IL2RA: variants seen among roughly 807,000 people sequenced by gnomAD.
IL2RA encodes the protein interleukin 2 receptor subunit alpha, also known as interleukin-2 receptor subunit alpha.
IL2RA carries 24 observed loss-of-function variants against 37.8 expected under a neutral mutation model. The ratio of observed to expected loss-of-function variants is 0.63; its 90% CI spans 0.46 to 0.89. The LOEUF is 0.89. IL2RA is among the 40% of genes least tolerant of loss of function. The probability of loss-of-function intolerance (pLI) is 0.00; values close to 1 mark genes in which losing one functional copy is unlikely to be tolerated. For missense variants in IL2RA, 319 were observed against 348.6 expected (o/e 0.92, Z 0.68); for synonymous variants, 125 against 114.6 (o/e 1.09, Z -0.58).
intron 6 of IL2RA, 89 bp downstream of exon 6, chr10:6,019,339 C>T: frequency 1.0e-6 from 1 of 977,408 alleles, no homozygotes; most frequent in Non-Finnish European, 1.7e-6. Context: ...AACCTACCAG[C>T]CAACCAACTA....
chr10:6,025,762 A>T lies in IL2RA; in HGVS notation c.256+72T>A. On this transcript the variant is annotated intron_variant, in intron 2 of 7. Coordinates refer to ENST00000379959, the MANE Select transcript of IL2RA (RefSeq NM_000417.3). The surrounding 1 kb of genome is among the most constrained non-coding windows in gnomAD (Gnocchi z 4.4). ...CATTTGTGTCTATAGGGCTGAGTGA[A>T]CAAAAGCTGGGCTCTGTCTCACTCT... is the stretch of plus-strand genomic sequence containing the variant. The T allele has an allele frequency of 6.9e-7, 1 of 1,456,736 alleles. No individual in the cohort carries two copies. Among genetic ancestry groups the T allele is most frequent in the Non-Finnish European group, 9.6e-7 (1 of 1,038,632 alleles). 90.2% of individuals were successfully genotyped at this position (1,456,736 alleles called of 1,614,324 possible).
rs1214495638 is a variant in IL2RA, at chr10:6,056,195, A to G, written c.64+5893T>C. On this transcript the variant is annotated intron_variant, in intron 1 of 7. Transcript: ENST00000379959. This position sits in a 1 kb window ranked among gnomAD's most constrained non-coding sequence, Gnocchi z 5.0. ...GCAAACACTGTTGGCTGACTTCAGA[A>G]TGGGAGCCATTCAGCAGCAGTTTCA... Among the ~76,000 whole-genome samples the G allele has an allele frequency of 1.3e-5, 2 of 152,336 alleles. No homozygotes were observed. Among genetic ancestry groups the G allele is most frequent in the East Asian group, 3.9e-4 (2 of 5,188 alleles).
intron 1 of IL2RA, among the ~76,000 whole-genome samples, chr10:6,034,245 T>G (rs1381273791): frequency 6.6e-6 from 1 of 152,204 alleles, no homozygotes. Context: ...ATAAAGAATC[T>G]TTCCTGGAAT....
Position 6,012,741 on chromosome 10 carries a change from T to C in IL2RA, c.*131A>G. The C allele has an allele frequency of 2.1e-6, 2 of 939,556 alleles. No individual in the cohort carries two copies. The highest frequency in any genetic ancestry group is 3.5e-6 in the Non-Finnish European group (2 of 572,126). The allele number at this position is 939,556 out of a possible 1,614,324, so 58.2% of individuals were successfully genotyped here. ...GTGTCCTGTGATGTGACTTCAGAGCTTCCAAAACGCAGGCAAGCACAACGG... is the reference window on the plus strand; with the variant it reads ...GTGTCCTGTGATGTGACTTCAGAGCCTCCAAAACGCAGGCAAGCACAACGG... On this transcript the variant is annotated 3_prime_UTR_variant, in exon 8 of 8. Transcript: ENST00000379959. The surrounding 1 kb of genome is among the most constrained non-coding windows in gnomAD (Gnocchi z 4.8).
In IL2RA at chr10:6,020,005, C is replaced by A. The variant is rs1026544728; in HGVS notation, c.584-64G>T. On this transcript the variant is annotated intron_variant, in intron 4 of 7. Coordinates refer to ENST00000379959, the MANE Select transcript of IL2RA (RefSeq NM_000417.3). The surrounding 1 kb of genome is among the most constrained non-coding windows in gnomAD (Gnocchi z 5.6). Reference sequence around the variant, plus strand: ...CAGGAGTCAGGGCCTCACTCCCACCCCGCCTGCCCCAGGCAGCCGGCCCCA... The same window carrying A: ...CAGGAGTCAGGGCCTCACTCCCACCACGCCTGCCCCAGGCAGCCGGCCCCA... 2 of 1,412,986 alleles carry A rather than the reference C, an allele frequency of 1.4e-6. No individual in the cohort carries two copies. Among genetic ancestry groups the A allele is most frequent in the East Asian group, 2.3e-5 (1 of 43,904 alleles). 87.5% of individuals were successfully genotyped at this position (1,412,986 alleles called of 1,614,324 possible).
chr10:6,041,980 G>A (rs183412310), intron 1 of IL2RA, among the ~76,000 whole-genome samples: 1 of 151,260 alleles, frequency 6.6e-6, no homozygotes, highest in East Asian at 1.9e-4. Flanking sequence ...AGATCAAAAA[G>A]GCATTTTCAC....
Position 6,021,226 on chromosome 10 carries a change from C to G in IL2RA, c.583+252G>C, listed in dbSNP as rs974930909. ...GGGTGCTTAGGAGAGGGCTTTCCTT[C>G]TCTTCTGTCTCCAACCTTTCTCCCC... On this transcript the variant is annotated intron_variant, in intron 4 of 7. Coordinates refer to ENST00000379959, the MANE Select transcript of IL2RA (RefSeq NM_000417.3). The surrounding 1 kb of genome is among the most constrained non-coding windows in gnomAD (Gnocchi z 4.9). Among the ~76,000 whole-genome samples the G allele has an allele frequency of 2.0e-5, 3 of 152,116 alleles. No homozygotes were observed. The highest frequency in any genetic ancestry group is 7.2e-5 in the African/African-American group (3 of 41,420).
In IL2RA at chr10:6,021,544, C is replaced by T. The variant is rs752423140; in HGVS notation, c.517G>A (p.Gly173Arg). Residue 173 changes from glycine to arginine, a missense_variant, in exon 4 of 8, where the codon GGG becomes AGG. Transcript: ENST00000379959. The surrounding 1 kb of genome is among the most constrained non-coding windows in gnomAD (Gnocchi z 4.9). ...PAESVCKMTHGKTRWTQPQLI... is the reference protein window; with the variant it reads ...PAESVCKMTHRKTRWTQPQLI... ...TGGGGCTGGGTCCACCTTGTCTTCC[C>T]GTGGGTCATTTTGCAGACGCTCTCA... 1.7e-5 allele frequency: 28 copies of T among 1,613,952 alleles called. No individual in the cohort carries two copies. Among genetic ancestry groups the T allele is most frequent in the Middle Eastern group, 1.6e-4 (1 of 6,082 alleles).
intron 1 of IL2RA, among the ~76,000 whole-genome samples, chr10:6,049,222 A>G (rs1170134193): frequency 6.6e-6 from 1 of 152,228 alleles, no homozygotes; most frequent in Non-Finnish European, 1.5e-5. Flanking sequence ...CTGGAGAACC[A>G]GGAGTGCAAA....
chr10:6,051,214 G>C (rs1175470260), intron 1 of IL2RA, among the ~76,000 whole-genome samples: 1 of 152,150 alleles, frequency 6.6e-6, no homozygotes, highest in African/African-American at 2.4e-5. Flanking sequence ...CTGGGTTGCA[G>C]GCTCTGCCTG....
rs1263672018 is a variant in IL2RA at position 6,046,178 on chromosome 10, C to T, written c.64+15910G>A. Among the ~76,000 whole-genome samples, 1 of 152,194 alleles carries T rather than the reference C, an allele frequency of 6.6e-6. No homozygotes were observed. Among genetic ancestry groups the T allele is most frequent in the Non-Finnish European group, 1.5e-5 (1 of 68,040 alleles). On this transcript the variant is annotated intron_variant, in intron 1 of 7. Transcript: ENST00000379959. This position sits in a 1 kb window ranked among gnomAD's most constrained non-coding sequence, Gnocchi z 4.8. Reference sequence around the variant, plus strand: ...AATTCACACTCCGTTTTACACAAGACACACATTGCATACACTGTGTGTTGT... The same window carrying T: ...AATTCACACTCCGTTTTACACAAGATACACATTGCATACACTGTGTGTTGT...
chr10:6,039,701 T>C (rs1486931407), intron 1 of IL2RA: 1 of 152,266 alleles, frequency 6.6e-6, no homozygotes, highest in Non-Finnish European at 1.5e-5. Flanking sequence ...CCTCTTTCAC[T>C]CACTGGCTCA....
chr10:6,041,715 G>A (rs543413592), intron 1 of IL2RA, among the ~76,000 whole-genome samples: 28 of 152,274 alleles, frequency 1.8e-4, no homozygotes, highest in African/African-American at 6.5e-4. Flanking sequence ...GTCAAGAGAC[G>A]TCTTTAAAAT....
chr10:6,046,423 C>G lies in IL2RA; in HGVS notation c.64+15665G>C, dbSNP rs1439691472. ...AATCCGTGTGTTCACAGATGCTACC[C>G]CAGACATCGGGTAAGACAATGACAT... On this transcript the variant is annotated intron_variant, in intron 1 of 7. Transcript: ENST00000379959. The surrounding 1 kb of genome is among the most constrained non-coding windows in gnomAD (Gnocchi z 4.8). 6.6e-6 allele frequency among the ~76,000 whole-genome samples: 1 copy of G among 152,142 alleles called. No homozygotes were observed. Among genetic ancestry groups the G allele is most frequent in the Non-Finnish European group, 1.5e-5 (1 of 68,024 alleles).
chr10:6,019,163 C>T (rs973346669), intron 6 of IL2RA, among the ~76,000 whole-genome samples: 2 of 152,140 alleles, frequency 1.3e-5, no homozygotes, highest in African/African-American at 4.8e-5. Flanking sequence ...AACCCACCAA[C>T]CTGCCAATCT....
chr10:6,019,885 G>C lies in IL2RA; in HGVS notation c.640C>G (p.Leu214Val), dbSNP rs1008824263. The change falls in exon 5 of 8, where the codon CTC becomes GTC. Residue 214 changes from leucine (L) to valine (V), a missense_variant. Transcript: ENST00000379959. ...EGRPESETSC[L>V]VTTTDFQIQT... ...TCTCCCGCACCTGTTGTTGTGACGA[G>C]GCAGGAAGTCTCACTCTCAGGACGG... The C allele has an allele frequency of 6.2e-7, 1 of 1,614,012 alleles. No individual in the cohort carries two copies. Among genetic ancestry groups the C allele is most frequent in the African/African-American group, 1.3e-5 (1 of 74,934 alleles).
rs1408729606 is a variant in IL2RA, at chr10:6,048,068, T to A, written c.64+14020A>T. ...CTTACGCACAAGTGTCTGCCTGTCCTCCCGCCTATCCTCCCTCATGTGCTG... is the reference window on the plus strand; with the variant it reads ...CTTACGCACAAGTGTCTGCCTGTCCACCCGCCTATCCTCCCTCATGTGCTG... On this transcript the variant is annotated intron_variant, in intron 1 of 7. Coordinates refer to ENST00000379959, the MANE Select transcript of IL2RA (RefSeq NM_000417.3). The surrounding 1 kb of genome is among the most constrained non-coding windows in gnomAD (Gnocchi z 5.3). Among the ~76,000 whole-genome samples the A allele has an allele frequency of 6.6e-6, 1 of 152,190 alleles. No homozygotes were observed. The highest frequency in any genetic ancestry group is 1.9e-4 in the East Asian group (1 of 5,200).
chr10:6,016,243 C>T (rs954671069), intron 7 of IL2RA, among the ~76,000 whole-genome samples: 2 of 152,202 alleles, frequency 1.3e-5, no homozygotes, highest in African/African-American at 2.4e-5. Context: ...CACTCTCTTG[C>T]CCTTCTGCCT....
At chr10:6,023,841 G>C (rs956636328) in intron 3 of IL2RA, among the ~76,000 whole-genome samples, 1 of 152,214 alleles carries the variant, frequency 6.6e-6, no homozygotes, top group East Asian at 1.9e-4. Flanking sequence ...TTTGCGGTGC[G>C]TTGTCTTGTG....
Sources: allele counts gnomAD v4.1 joint callset (sites outside exome capture counted in the v4.1 genomes callset), GRCh38; gene constraint gnomAD v4.1.1; non-coding constraint Gnocchi (gnomAD v3.1); transcripts MANE v1.5; gene names NCBI Gene and HGNC (gene_info 2026-07-23, HGNC 2026-07-21).